Variants in JAML observed in about 807,000 individuals in gnomAD.
JAML encodes the protein junctional adhesion molecule-like.
JAML carries 25 observed loss-of-function variants against 39.3 expected under a neutral mutation model. The observed-to-expected ratio is 0.64, with a 90% confidence interval of 0.46 to 0.89. The LOEUF (loss-of-function observed/expected upper bound fraction) is 0.89. Among genes scored for constraint, JAML ranks in the 40% least tolerant of loss-of-function variants. The pLI, the probability that JAML is intolerant of heterozygous loss-of-function variation, is 0.00. For synonymous variants in JAML, 162 were observed against 179.2 expected, an observed-to-expected ratio of 0.90 and a Z score of 0.77; for missense variants, 440 against 486.9, an observed-to-expected ratio of 0.90 and a Z score of 0.91.
At chr11:118,201,006 C>T (rs1631816) in intron 6 of JAML, 10,401 of 174,140 alleles carry the variant, frequency 0.06, 1,166 homozygotes, top group African/African-American at 0.23. Flanking sequence ...CCCACAGTGA[C>T]GATACCAAGT....
At chr11:118,220,385 C>A (rs955728219) in intron 1 of JAML, among the ~76,000 whole-genome samples, 1 of 152,186 alleles carries the variant, frequency 6.6e-6, no homozygotes, top group African/African-American at 2.4e-5. Flanking sequence ...CAAGAGAAAG[C>A]AGTTTGTGTC....
At position 118,203,450 on chromosome 11, in the gene JAML, A is replaced by T. The variant is rs150644713; in HGVS notation, c.750T>A (p.His250Gln). 6.2e-7 allele frequency: 1 copy of T among 1,614,154 alleles called. No homozygotes were observed. The highest frequency in any genetic ancestry group is 8.5e-7 in the Non-Finnish European group (1 of 1,179,996). The change falls in exon 6 of 10, where the codon CAT becomes CAA. Residue 250 changes from histidine (H) to glutamine (Q), a missense_variant. His to Gln is a conservative substitution (Grantham distance 24). Coordinates refer to ENST00000356289, the MANE Select transcript of JAML (RefSeq NM_001098526.2). Reference protein sequence around the residue: ...NLVFKKTIVLHVSPEEPRTLV... With the variant: ...NLVFKKTIVLQVSPEEPRTLV... The stretch of plus-strand genomic sequence containing the variant: ...TACTTCGAGGCTCTTCCGGGCTGAC[A>T]TGCAGCACAATGGTTTTCTTGAACA...
chr11:118,209,097 A>C, intron 4 of JAML: 1 of 287,326 alleles, frequency 3.5e-6, no homozygotes, highest in Admixed American at 3.4e-5. Flanking sequence ...AGAGCCCAAT[A>C]CAACAGCTTC....
Position 118,205,807 on chromosome 11 carries a change from G to A in JAML, c.534+75C>T, listed in dbSNP as rs1948903341. ...CCAGGCTCTTGCAACACCTCCTCATGTGCCTGATTCTACCTTTGTCCTGAT... is the reference window on the plus strand; with the variant it reads ...CCAGGCTCTTGCAACACCTCCTCATATGCCTGATTCTACCTTTGTCCTGAT... On this transcript the variant is annotated intron_variant, in intron 5 of 9. Coordinates refer to ENST00000356289, the MANE Select transcript of JAML (RefSeq NM_001098526.2). 8 of 1,377,640 alleles carry A rather than the reference G, an allele frequency of 5.8e-6. No homozygotes were observed. In the South Asian group the frequency reaches 9.4e-5, roughly 16 times the overall value. The allele number at this position is 1,377,640 out of a possible 1,614,324, so 85.3% of individuals were successfully genotyped here.
chr11:118,224,691 G>A (rs1029344757), intron 1 of JAML, among the ~76,000 whole-genome samples: 2 of 152,114 alleles, frequency 1.3e-5, no homozygotes, highest in African/African-American at 2.4e-5. Flanking sequence ...TCATTGTCAC[G>A]TACTCTTATT....
intron 1 of JAML, among the ~76,000 whole-genome samples, chr11:118,216,914 A>G (rs186902790): frequency 2.6e-5 from 4 of 152,288 alleles, no homozygotes; most frequent in Admixed American, 2.0e-4. Context: ...CCATACATAC[A>G]TGGATGAAGG....
intron 1 of JAML, among the ~76,000 whole-genome samples, chr11:118,224,427 G>A (rs1212420136): frequency 6.6e-6 from 1 of 152,184 alleles, no homozygotes; most frequent in East Asian, 1.9e-4. Context: ...AAGAAAAACA[G>A]TGGTATAACT....
chr11:118,212,681 T>A, intron 2 of JAML, 120 bp from the exon 3 acceptor site: 2 of 1,505,806 alleles, frequency 1.3e-6, no homozygotes, highest in Admixed American at 2.2e-5. Context: ...ATAGACAAAG[T>A]CCTCGGAGGC....
chr11:118,195,773 C>A (rs116171024), intron 9 of JAML, among the ~76,000 whole-genome samples: 1 of 152,148 alleles, frequency 6.6e-6, no homozygotes, highest in Non-Finnish European at 1.5e-5. Flanking sequence ...GCAAGGAAAA[C>A]GACTCACAGC....
At position 118,195,634 on chromosome 11, in the gene JAML, C is replaced by T. The variant is rs192701568; in HGVS notation, c.1092+1101G>A. Among the ~76,000 whole-genome samples, 46 of 152,270 alleles carry T rather than the reference C, an allele frequency of 3.0e-4. No homozygotes were observed. The East Asian group carries it at 7.7e-3, about 26-fold the overall frequency. Reference sequence around the variant, plus strand: ...AAGCAAAGGGAAATTAGGAATCAGACTCCAAAATATTGTATGAGATCCAGC... The same window carrying T: ...AAGCAAAGGGAAATTAGGAATCAGATTCCAAAATATTGTATGAGATCCAGC... On this transcript the variant is annotated intron_variant, in intron 9 of 9. Coordinates refer to ENST00000356289, the MANE Select transcript of JAML (RefSeq NM_001098526.2).
Position 118,222,967 on chromosome 11 carries a change from C to T in JAML, c.-21+1974G>A, listed in dbSNP as rs369924211. Among the ~76,000 whole-genome samples, 22 of 152,012 alleles carry T rather than the reference C, an allele frequency of 1.4e-4. No homozygotes were observed. Among genetic ancestry groups the T allele is most frequent in the South Asian group, 4.2e-4 (2 of 4,798 alleles). Reference sequence around the variant, plus strand: ...AAAATTAATCAGGTGTGGTGGTGAGCGCCTGTAATCCCAGCTACTTGGGAG... The same window carrying T: ...AAAATTAATCAGGTGTGGTGGTGAGTGCCTGTAATCCCAGCTACTTGGGAG... On this transcript the variant is annotated intron_variant, in intron 1 of 9. Coordinates refer to ENST00000356289, the MANE Select transcript of JAML (RefSeq NM_001098526.2). The surrounding 1 kb of genome is among the most constrained non-coding windows in gnomAD (Gnocchi z 4.2).
At chr11:118,220,605 A>ATT (rs1372202451) in intron 1 of JAML, among the ~76,000 whole-genome samples, 1 of 152,196 alleles carries the variant, frequency 6.6e-6, no homozygotes, top group African/African-American at 2.4e-5. Context: ...GGCCTCCTCG[A>ATT]TCTTTTATAA....
chr11:118,196,594 A>G (rs985233338), intron 9 of JAML, 141 bp downstream of exon 9: 2 of 707,372 alleles, frequency 2.8e-6, no homozygotes, highest in Non-Finnish European at 2.5e-6. Context: ...TATCCAGCAG[A>G]ACTTCAGTTT....
chr11:118,209,370 G>A (rs141790706), intron 4 of JAML, among the ~76,000 whole-genome samples: 1,727 of 152,300 alleles, frequency 0.011, 10 homozygotes, highest in South Asian at 0.021. Flanking sequence ...GCAGGTGGGA[G>A]CCTAGGGTCC....
rs766788906 is a variant in JAML, at chr11:118,212,862, C to T, written c.44-301G>A. On this transcript the variant is annotated intron_variant, in intron 2 of 9. Coordinates refer to ENST00000356289, the MANE Select transcript of JAML (RefSeq NM_001098526.2). Reference sequence around the variant, plus strand: ...AACCTTTCTAAAGAAATAAGGGAAACCCCAGAAGTCTCTCCTTTCTGATCA... The same window carrying T: ...AACCTTTCTAAAGAAATAAGGGAAATCCCAGAAGTCTCTCCTTTCTGATCA... The T allele has an allele frequency of 8.7e-6, 14 of 1,614,202 alleles. No homozygotes were observed. In the South Asian group the frequency reaches 1.4e-4, roughly 16 times the overall value.
At position 118,195,506 on chromosome 11, in the gene JAML, G is replaced by A. The variant is rs138311735; in HGVS notation, c.1093-1089C>T. ...CTATAATTAGTCTACAAATAGCACC[G>A]TGCTCATCGCCAGCTCACTCCTTTT... On this transcript the variant is annotated intron_variant, in intron 9 of 9. Transcript: ENST00000356289. 2.5e-4 allele frequency among the ~76,000 whole-genome samples: 38 copies of A among 152,134 alleles called. No individual in the cohort carries two copies. In the South Asian group the frequency reaches 4.6e-3, roughly 18 times the overall value.
intron 7 of JAML, among the ~76,000 whole-genome samples, chr11:118,199,500 G>A (rs1948729549): frequency 6.6e-6 from 1 of 151,960 alleles, no homozygotes. Context: ...CTTTCCCACT[G>A]ACACTATTTC....
Position 118,221,597 on chromosome 11 carries a change from C to T in JAML, c.-21+3344G>A, listed in dbSNP as rs191012895. Among the ~76,000 whole-genome samples, 5 of 152,284 alleles carry T rather than the reference C, an allele frequency of 3.3e-5. No individual in the cohort carries two copies. The East Asian group carries it at 9.7e-4, about 29-fold the overall frequency. ...AGGCAGTAATGCTTGCTTGTCTGCC[C>T]CCGACTTACCTCCTGCTGAGCGGTT... On this transcript the variant is annotated intron_variant, in intron 1 of 9. Transcript: ENST00000356289.
At chr11:118,198,178 A>AAG in intron 7 of JAML, 87 bp from the exon 8 acceptor site, 10 of 1,098,340 alleles carry the variant, frequency 9.1e-6, no homozygotes, top group Non-Finnish European at 1.4e-5. Flanking sequence ...TGGCTTCGTG[A>AAG]AGAGAGAGAC....
Sources: allele counts gnomAD v4.1 joint callset (sites outside exome capture counted in the v4.1 genomes callset), GRCh38; gene constraint gnomAD v4.1.1; non-coding constraint Gnocchi (gnomAD v3.1); transcripts MANE v1.5; gene names NCBI Gene and HGNC (gene_info 2026-07-23, HGNC 2026-07-21).